Variants in CDK5RAP2 observed in about 807,000 individuals in gnomAD.
CDK5RAP2 encodes CDK5 regulatory subunit-associated protein 2.
In CDK5RAP2, 147 loss-of-function variants were observed where a neutral mutation model predicts 232.9. That is an observed-to-expected ratio of 0.63 (90% CI 0.55 to 0.72). CDK5RAP2 has a LOEUF of 0.72. Ranked by LOEUF, CDK5RAP2 falls within the 30% of genes least tolerant of loss-of-function variation. The pLI is 0.00. For missense variants in CDK5RAP2, 2,195 were observed against 2,231.5 expected, an observed-to-expected ratio of 0.98 and a Z score of 0.33; for synonymous variants, 833 against 833.7, an observed-to-expected ratio of 1.00 and a Z score of 0.01.
Position 120,389,663 on chromosome 9 carries a change from T to C in CDK5RAP2, c.5625+78A>G, listed in dbSNP as rs887145464. 9 of 1,395,384 alleles carry C rather than the reference T, an allele frequency of 6.4e-6. No homozygotes were observed. The Admixed American group carries it at 1.2e-4, about 18-fold the overall frequency. 86.4% of individuals were successfully genotyped at this position (1,395,384 alleles called of 1,614,324 possible). ...CCCCTGGTTCCACCTGCACCTTCAT[T>C]TTTCAAGAGGTCCTTTCTGGCCCTG... On this transcript the variant is annotated intron_variant, in intron 37 of 37. Transcript: ENST00000349780.
At chr9:120,413,641 G>T (rs947840134) in intron 28 of CDK5RAP2, among the ~76,000 whole-genome samples, 2 of 152,198 alleles carry the variant, frequency 1.3e-5, no homozygotes, top group Admixed American at 6.5e-5. Flanking sequence ...AATTGGATTT[G>T]CCAGGGAAAA....
Position 120,458,565 on chromosome 9 carries a change from A to T in CDK5RAP2, c.2260T>A (p.Ser754Thr). The change falls in exon 20 of 38, where the codon TCT becomes ACT. Residue 754 changes from serine to threonine, a missense_variant. Ser to Thr is a moderately conservative substitution (Grantham distance 58). Coordinates refer to ENST00000349780, the MANE Select transcript of CDK5RAP2 (RefSeq NM_018249.6). ...GCCCCATCACAATCTGAAATCTTAG[A>T]CTCCGTGTGCCTTAAGTATCCATTT... The part of the protein sequence containing the change: ...CKNGYLRHTE[S>T]KISDCDGAHA... The T allele has an allele frequency of 6.2e-7, 1 of 1,613,948 alleles. No individual in the cohort carries two copies. The highest frequency in any genetic ancestry group is 1.7e-4 in the Middle Eastern group (1 of 6,060).
At chr9:120,560,983 G>GA (rs202088161) in intron 3 of CDK5RAP2, among the ~76,000 whole-genome samples, 59 of 145,908 alleles carry the variant, frequency 4.0e-4, no homozygotes, top group East Asian at 7.9e-4. Context: ...TTTTAAAAAG[G>GA]AAAAAAAAAA....
At chr9:120,569,608 G>C (rs2042773417) in intron 2 of CDK5RAP2, among the ~76,000 whole-genome samples, 1 of 152,208 alleles carries the variant, frequency 6.6e-6, no homozygotes, top group Non-Finnish European at 1.5e-5. Context: ...CAATAGGCTG[G>C]AGCTCAATAA....
At chr9:120,450,779 C>G (rs1288605133) in intron 21 of CDK5RAP2, among the ~76,000 whole-genome samples, 1 of 152,182 alleles carries the variant, frequency 6.6e-6, no homozygotes, top group Non-Finnish European at 1.5e-5. Context: ...GATGAAGAAC[C>G]GAGATGTCAA....
chr9:120,519,119 A>C (rs1305011582), intron 11 of CDK5RAP2, among the ~76,000 whole-genome samples: 1 of 151,958 alleles, frequency 6.6e-6, no homozygotes, highest in East Asian at 1.9e-4. Context: ...GGTTGCAGTG[A>C]GCCGAGATCG....
At chr9:120,516,933 A>C (rs1207158127) in intron 12 of CDK5RAP2, among the ~76,000 whole-genome samples, 1 of 152,262 alleles carries the variant, frequency 6.6e-6, no homozygotes, top group Non-Finnish European at 1.5e-5. Context: ...TTATGTCAAA[A>C]GATGTTCATT....
intron 16 of CDK5RAP2, among the ~76,000 whole-genome samples, chr9:120,471,060 G>A (rs1356225574): frequency 6.6e-6 from 1 of 152,192 alleles, no homozygotes; most frequent in Non-Finnish European, 1.5e-5. Flanking sequence ...GATCACAGGT[G>A]AAAAGTTAGG....
intron 25 of CDK5RAP2, among the ~76,000 whole-genome samples, chr9:120,428,952 T>C (rs1274632719): frequency 6.6e-6 from 1 of 152,068 alleles, no homozygotes; most frequent in Non-Finnish European, 1.5e-5. Context: ...GCTGGTTCAA[T>C]ATACGCAAAT....
chr9:120,484,537 C>T (rs1320729779), intron 14 of CDK5RAP2, among the ~76,000 whole-genome samples: 4 of 151,962 alleles, frequency 2.6e-5, no homozygotes, highest in Non-Finnish European at 4.4e-5. Flanking sequence ...GCCTGGCCAA[C>T]GTGGTGAAAC....
chr9:120,422,549 G>A (rs2034628121), intron 26 of CDK5RAP2, 144 bp downstream of exon 26: 1 of 693,278 alleles, frequency 1.4e-6, no homozygotes, highest in East Asian at 2.7e-5. Context: ...TATGGCCATT[G>A]TCAGTTCCAT....
At chr9:120,443,082 AT>A (rs1393869606) in intron 23 of CDK5RAP2, among the ~76,000 whole-genome samples, 2 of 152,148 alleles carry the variant, frequency 1.3e-5, no homozygotes, top group Non-Finnish European at 2.9e-5. Flanking sequence ...ATACTTCATA[AT>A]TTTAAAAAGA....
At chr9:120,528,197 G>A (rs1202135294) in intron 9 of CDK5RAP2, among the ~76,000 whole-genome samples, 1 of 152,220 alleles carries the variant, frequency 6.6e-6, no homozygotes, top group Non-Finnish European at 1.5e-5. Flanking sequence ...ATGCCTTATG[G>A]AATTTGAATA....
chr9:120,455,676 G>A (rs2131419924), intron 20 of CDK5RAP2, among the ~76,000 whole-genome samples: 1 of 152,084 alleles, frequency 6.6e-6, no homozygotes, highest in East Asian at 1.9e-4. Context: ...CCAGGAGGCT[G>A]CAGTGAACTG....
At chr9:120,486,634 G>A (rs1199577461) in intron 14 of CDK5RAP2, among the ~76,000 whole-genome samples, 1 of 152,098 alleles carries the variant, frequency 6.6e-6, no homozygotes, top group Non-Finnish European at 1.5e-5. Flanking sequence ...GGTGGATCGT[G>A]TAACTCCAAC....
intron 30 of CDK5RAP2, 132 bp downstream of exon 30, chr9:120,408,995 G>T: frequency 1.2e-6 from 1 of 817,042 alleles, no homozygotes; most frequent in South Asian, 1.4e-5. Context: ...CGCACCAGAC[G>T]TACAATGTGT....
chr9:120,577,244 C>G (rs2043068197), intron 1 of CDK5RAP2, among the ~76,000 whole-genome samples: 1 of 152,010 alleles, frequency 6.6e-6, no homozygotes, highest in South Asian at 2.1e-4. Context: ...TGCCTGTAGT[C>G]CCGGCCACTA....
Position 120,389,068 on chromosome 9 carries a change from GACA to G in CDK5RAP2, c.*165_*167del. On this transcript the variant is annotated 3_prime_UTR_variant, in exon 38 of 38. Transcript: ENST00000349780. ...GTTTGTGGAGCACCTGCACCTTTCT[GACA>G]ACAACTCTCAAGCCAACTTTCAGAG... The G allele has an allele frequency of 3.0e-6, 2 of 665,958 alleles. No homozygotes were observed. Among genetic ancestry groups the G allele is most frequent in the East Asian group, 2.7e-5 (1 of 36,746 alleles). 41.3% of individuals were successfully genotyped at this position (665,958 alleles called of 1,614,324 possible). A position where few individuals can be genotyped will look rare whatever the true frequency, so the allele number is the denominator to read the frequency against.
chr9:120,413,329 A>G (rs2033965577), intron 28 of CDK5RAP2, among the ~76,000 whole-genome samples: 1 of 152,224 alleles, frequency 6.6e-6, no homozygotes, highest in Non-Finnish European at 1.5e-5. Flanking sequence ...GGAAGCTCTA[A>G]CACATGAGAG....
Sources: allele counts gnomAD v4.1 joint callset (sites outside exome capture counted in the v4.1 genomes callset), GRCh38; gene constraint gnomAD v4.1.1; transcripts MANE v1.5; gene names NCBI Gene and HGNC (gene_info 2026-07-23, HGNC 2026-07-21).